NTN1: variants seen among roughly 807,000 people sequenced by gnomAD.
NTN1 encodes the protein netrin-1.
A neutral mutation model predicts 54.2 loss-of-function variants in NTN1; 11 were observed. The observed-to-expected ratio is 0.20, with a 90% CI of 0.13 to 0.34. NTN1 has a LOEUF of 0.34. Among genes scored for constraint, NTN1 ranks in the 10% least tolerant of loss-of-function variants. The probability of loss-of-function intolerance (pLI) is 1.00; values close to 1 mark genes in which losing one functional copy is unlikely to be tolerated. For synonymous variants in NTN1, 371 were observed against 382.0 expected (o/e 0.97, Z 0.33); for missense variants, 740 against 893.1 (o/e 0.83, Z 2.18).
rs1906226335 is a variant in NTN1, at chr17:9,241,884, AC to A, written c.*1917del. The A allele has an allele frequency of 6.6e-6, 1 of 151,962 alleles. No individual in the cohort carries two copies. The highest frequency in any genetic ancestry group is 1.5e-5 in the Non-Finnish European group (1 of 67,994). The allele number at this position is 151,962 out of a possible 1,614,324, so 9.4% of individuals were successfully genotyped here. A position where few individuals can be genotyped will look rare whatever the true frequency, so the allele number is the denominator to read the frequency against. On this transcript the variant is annotated 3_prime_UTR_variant, in exon 7 of 7. Coordinates refer to ENST00000173229, the MANE Select transcript of NTN1 (RefSeq NM_004822.3). ...CAGGGGCCACGCTGGCCCTCACTGC[AC>A]TCCAGCTCTGCAGCCTACCCGCCCA...
intron 2 of NTN1, among the ~76,000 whole-genome samples, chr17:9,095,267 G>A (rs1157445225): frequency 6.6e-6 from 1 of 152,120 alleles, no homozygotes; most frequent in Non-Finnish European, 1.5e-5. Context: ...TCTGGTGCTC[G>A]TTCATGCAGA....
chr17:9,016,715 C>T (rs11867887), upstream of NTN1, among the ~76,000 whole-genome samples: 407 of 152,252 alleles, frequency 2.7e-3, no homozygotes, highest in African/African-American at 9.2e-3. Context: ...TTGGCATTGT[C>T]GCCCTGGCCC....
intron 5 of NTN1, among the ~76,000 whole-genome samples, chr17:9,207,427 T>A (rs1049281383): frequency 6.6e-6 from 1 of 152,200 alleles, no homozygotes; most frequent in Non-Finnish European, 1.5e-5. Flanking sequence ...AGCCAACATT[T>A]TTTAGTGCCT....
rs79324234 is a variant in NTN1, at chr17:9,131,559, C to T, written c.1019-31254C>T. Among the ~76,000 whole-genome samples, 740 of 149,840 alleles carry T rather than the reference C, an allele frequency of 4.9e-3. 7 individuals carry two copies. The highest frequency in any genetic ancestry group is 0.016 in the African/African-American group (668 of 40,970). ...GGCTGTGCTCGGTTTGTCTGTGTTT[C>T]GGCCATGGTATTCCCTTGATGCTTT... On this transcript the variant is annotated intron_variant, in intron 2 of 6. Coordinates refer to ENST00000173229, the MANE Select transcript of NTN1 (RefSeq NM_004822.3).
At chr17:9,075,130 A>T (rs529950141) in intron 2 of NTN1, among the ~76,000 whole-genome samples, 1 of 152,158 alleles carries the variant, frequency 6.6e-6, no homozygotes, top group Non-Finnish European at 1.5e-5. Context: ...CAGGCCCACC[A>T]CTTAGAGATG....
intron 3 of NTN1, among the ~76,000 whole-genome samples, chr17:9,179,388 G>A (rs530389746): frequency 6.6e-6 from 1 of 152,280 alleles, no homozygotes. Flanking sequence ...AAACTTGGGG[G>A]CAGGGAGCTG....
intron 1 of NTN1, 115 bp downstream of exon 1, chr17:9,021,700 G>T: frequency 6.5e-6 from 1 of 152,844 alleles, no homozygotes; most frequent in South Asian, 1.8e-4. Flanking sequence ...GCGGGGCCGG[G>T]ACCGGGGCTG....
intron 2 of NTN1, among the ~76,000 whole-genome samples, chr17:9,052,801 TAC>T (rs911151932): frequency 9.2e-5 from 14 of 152,188 alleles, no homozygotes; most frequent in African/African-American, 3.4e-4. Flanking sequence ...CTGCATGATA[TAC>T]AGAGTGTGGT....
Position 9,095,789 on chromosome 17 carries a change from T to G in NTN1, c.1019-67024T>G, listed in dbSNP as rs372823744. On this transcript the variant is annotated intron_variant, in intron 2 of 6. Transcript: ENST00000173229. The stretch of plus-strand genomic sequence containing the variant: ...GTGGAGGGAATGAGAATCTTTATAA[T>G]TTTTTTCTTTTTCTTTTTCTTTTTT... Among the ~76,000 whole-genome samples, 4 of 126,124 alleles carry G rather than the reference T, an allele frequency of 3.2e-5. 1 individual carries two copies. The South Asian group carries it at 9.8e-4, about 31-fold the overall frequency. 82.7% of individuals were successfully genotyped at this position (126,124 alleles called of 152,430 possible).
intron 3 of NTN1, among the ~76,000 whole-genome samples, chr17:9,172,352 T>C (rs1042528129): frequency 2.6e-4 from 40 of 152,084 alleles, no homozygotes; most frequent in African/African-American, 5.8e-4. Context: ...TGGTGGTGGG[T>C]GCCTGTAGTC....
intron 3 of NTN1, chr17:9,170,972 C>G (rs2092385721): frequency 6.6e-6 from 1 of 152,134 alleles, no homozygotes; most frequent in Admixed American, 6.5e-5. Flanking sequence ...TTAACTAGAT[C>G]ACGGAGTGTC....
chr17:9,022,026 G>A (rs1201166557), intron 1 of NTN1, among the ~76,000 whole-genome samples: 2 of 152,076 alleles, frequency 1.3e-5, no homozygotes, highest in African/African-American at 4.8e-5. Context: ...GGCTGGTCGC[G>A]GACGGGGAGA....
At chr17:9,140,500 A>C (rs2092294673) in intron 2 of NTN1, among the ~76,000 whole-genome samples, 1 of 152,252 alleles carries the variant, frequency 6.6e-6, no homozygotes, top group African/African-American at 2.4e-5. Flanking sequence ...GTGAACAAGC[A>C]CCAGAGCCAG....
At chr17:9,079,995 G>C (rs2092065504) in intron 2 of NTN1, among the ~76,000 whole-genome samples, 1 of 150,928 alleles carries the variant, frequency 6.6e-6, no homozygotes, top group African/African-American at 2.4e-5. Context: ...CCGAGGAAGT[G>C]GTTCCCATGA....
At chr17:9,141,339 A>G (rs945852855) in intron 2 of NTN1, among the ~76,000 whole-genome samples, 5 of 152,026 alleles carry the variant, frequency 3.3e-5, no homozygotes, top group African/African-American at 1.2e-4. Context: ...GCCCTGGAGG[A>G]GGAAAACCAG....
intron 2 of NTN1, among the ~76,000 whole-genome samples, chr17:9,039,742 G>A (rs2091915636): frequency 6.6e-6 from 1 of 152,076 alleles, no homozygotes; most frequent in South Asian, 2.1e-4. Flanking sequence ...GGAATCATAC[G>A]GTACGTGTGG....
At chr17:9,057,037 A>C (rs2091981619) in intron 2 of NTN1, among the ~76,000 whole-genome samples, 1 of 151,968 alleles carries the variant, frequency 6.6e-6, no homozygotes, top group African/African-American at 2.4e-5. Context: ...TCCATGCAAA[A>C]TCTTATTTGG....
At chr17:9,218,720 C>G (rs1387818540) in intron 5 of NTN1, among the ~76,000 whole-genome samples, 1 of 152,158 alleles carries the variant, frequency 6.6e-6, no homozygotes, top group Non-Finnish European at 1.5e-5. Flanking sequence ...AAGCTAGGCA[C>G]CGCAGTCCCT....
At chr17:9,230,140 T>G (rs892632476) in intron 6 of NTN1, among the ~76,000 whole-genome samples, 5 of 152,182 alleles carry the variant, frequency 3.3e-5, no homozygotes, top group Non-Finnish European at 7.4e-5. Flanking sequence ...GCTCAATCCC[T>G]TCAAGTGTGG....
Sources: allele counts gnomAD v4.1 joint callset (sites outside exome capture counted in the v4.1 genomes callset), GRCh38; gene constraint gnomAD v4.1.1; transcripts MANE v1.5; gene names NCBI Gene and HGNC (gene_info 2026-07-23, HGNC 2026-07-21).